BARX1: variants seen among roughly 807,000 people sequenced by gnomAD.
The protein encoded by BARX1 is homeobox protein BarH-like 1.
BARX1 carries 10 observed loss-of-function variants against 19.6 expected under a neutral mutation model. That is an observed-to-expected ratio of 0.51 (90% CI 0.31 to 0.86). BARX1 has a LOEUF of 0.86. BARX1 is among the 40% of genes least tolerant of loss of function. The pLI is 0.04. For synonymous variants in BARX1, 177 were observed against 170.0 expected, an observed-to-expected ratio of 1.04 and a Z score of -0.32; for missense variants, 309 against 360.4, an observed-to-expected ratio of 0.86 and a Z score of 1.15.
intron 3 of BARX1, 71 bp from the exon 4 acceptor site, chr9:93,952,399 C>T: frequency 1.3e-6 from 2 of 1,542,668 alleles, no homozygotes; most frequent in South Asian, 1.2e-5. Flanking sequence ...GACTTGAACC[C>T]AGGTAGGACT....
Position 93,954,814 on chromosome 9 carries a change from G to T in BARX1, c.223+110C>A, listed in dbSNP as rs1829141874. The T allele has an allele frequency of 4.0e-6, 3 of 754,130 alleles. No individual in the cohort carries two copies. In the South Asian group the frequency reaches 1.5e-4, roughly 38 times the overall value. 46.7% of individuals were successfully genotyped at this position (754,130 alleles called of 1,614,324 possible). On this transcript the variant is annotated intron_variant, in intron 1 of 3. Coordinates refer to ENST00000253968, the MANE Select transcript of BARX1 (RefSeq NM_021570.4). Reference sequence around the variant, plus strand: ...CGGTCCCAGAACCTGCGCTCCCAGAGCAGCTTCCCGGGGCTGCTTCGATGC... The same window carrying T: ...CGGTCCCAGAACCTGCGCTCCCAGATCAGCTTCCCGGGGCTGCTTCGATGC...
chr9:93,953,040 C>T lies in BARX1; in HGVS notation c.371G>A (p.Arg124His), dbSNP rs1460666524. ...AGGGCCTGCCGCCTCCAGCTTCCCG[C>T]GGAGCTGCAACTCGAGCGGCAGGTG... ...APHLPLELQL[R>H]GKLEAAGPGE... Residue 124 changes from arginine (R) to histidine (H), a missense_variant, in exon 2 of 4, where the codon CGC becomes CAC. This residue lies in a region of BARX1 where 204 missense variants were observed against 206.8 expected (regional missense o/e 0.99). Transcript: ENST00000253968. 1.9e-6 allele frequency: 3 copies of T among 1,572,286 alleles called. No homozygotes were observed. The highest frequency in any genetic ancestry group is 1.8e-5 in the Admixed American group (1 of 54,302).
In BARX1 at chr9:93,952,750, C is replaced by G. The variant is rs1829117457; in HGVS notation, c.579G>C (p.Arg193=). Residue 193 remains arginine (R), a synonymous_variant, in exon 3 of 4, where the codon CGG becomes CGC. Transcript: ENST00000253968. ...QLQVKTWYQN[R]RMKWKKIVLQ... is the part of the protein sequence containing the mutation. ...TCACTATTTTCTTCCACTTCATCCT[C>G]CGATTCTGGTACCACGTCTTCACCT... The G allele has an allele frequency of 6.2e-7, 1 of 1,614,102 alleles. No individual in the cohort carries two copies. The highest frequency in any genetic ancestry group is 8.5e-7 in the Non-Finnish European group (1 of 1,180,044).
chr9:93,955,129 C>T lies in BARX1; in HGVS notation c.18G>A (p.Glu6=). 8.4e-7 allele frequency: 1 copy of T among 1,188,892 alleles called. No individual in the cohort carries two copies. The highest frequency in any genetic ancestry group is 1.0e-6 in the Non-Finnish European group (1 of 963,848). The allele number at this position is 1,188,892 out of a possible 1,614,324, so 73.6% of individuals were successfully genotyped here. Residue 6 remains glutamate, a synonymous_variant, in exon 1 of 4, where the codon GAG becomes GAA. Coordinates refer to ENST00000253968, the MANE Select transcript of BARX1 (RefSeq NM_021570.4). The surrounding 1 kb of genome is among the most constrained non-coding windows in gnomAD (Gnocchi z 4.4). MQRPG[E]PGAARFGPPE... ...GCGGGCCGAAGCGCGCGGCGCCCGG[C>T]TCCCCCGGCCGCTGCATCGCGGCGC...
In BARX1 at chr9:93,955,012, C is replaced by G; in HGVS notation, c.135G>C (p.Ala45=). The G allele has an allele frequency of 7.1e-7, 1 of 1,399,290 alleles. No individual in the cohort carries two copies. Among genetic ancestry groups the G allele is most frequent in the Non-Finnish European group, 9.3e-7 (1 of 1,076,566 alleles). 86.7% of individuals were successfully genotyped at this position (1,399,290 alleles called of 1,614,324 possible). The change falls in exon 1 of 4, where the codon GCG becomes GCC. Residue 45 remains alanine (A), a synonymous_variant. Coordinates refer to ENST00000253968, the MANE Select transcript of BARX1 (RefSeq NM_021570.4). The surrounding 1 kb of genome is among the most constrained non-coding windows in gnomAD (Gnocchi z 4.4). The part of the protein sequence containing the change: ...LTEPPGPKGA[A]PAAAAAAAGE... Reference sequence around the variant, plus strand: ...CCGCCGCGGCAGCGGCGGCTGCGGGCGCGGCGCCCTTGGGCCCGGGTGGCT... The same window carrying G: ...CCGCCGCGGCAGCGGCGGCTGCGGGGGCGGCGCCCTTGGGCCCGGGTGGCT...
Position 93,952,490 on chromosome 9 carries a change from G to A in BARX1, c.601-162C>T, listed in dbSNP as rs532685814. Among the ~76,000 whole-genome samples the A allele has an allele frequency of 1.8e-3, 270 of 152,328 alleles. 2 individuals carry two copies. The highest frequency in any genetic ancestry group is 6.2e-3 in the African/African-American group (257 of 41,578). On this transcript the variant is annotated intron_variant, in intron 3 of 3. Transcript: ENST00000253968. ...GCCATTTGTCCAAATGCCGCCTGGGGAGCGGCCCGGCCTGGGGAGCATAAG... is the reference window on the plus strand; with the variant it reads ...GCCATTTGTCCAAATGCCGCCTGGGAAGCGGCCCGGCCTGGGGAGCATAAG...
chr9:93,953,610 C>T (rs1829127119), intron 1 of BARX1, among the ~76,000 whole-genome samples: 1 of 152,260 alleles, frequency 6.6e-6, no homozygotes, highest in South Asian at 2.1e-4. Flanking sequence ...AGAACATGCA[C>T]GGAGCGTGCA....
rs1215715737 is a variant in BARX1 at position 93,952,214 on chromosome 9, T to A, written c.715A>T (p.Lys239Ter). ...GGCTCGCCCGGCACCTCCGCCGGTT[T>A]CTCTGCATCCTTGGCGCGCTCCTGC... ...TEQERAKDAE[K>*]PAEVPGEPSD... The change falls in exon 4 of 4, where the codon AAA becomes TAA. Residue 239 changes from lysine to a stop codon, truncating the protein, a stop_gained. Coordinates refer to ENST00000253968, the MANE Select transcript of BARX1 (RefSeq NM_021570.4). LOFTEE classifies it high-confidence loss of function. 1.2e-6 allele frequency: 2 copies of A among 1,611,632 alleles called. No individual in the cohort carries two copies. The highest frequency in any genetic ancestry group is 1.7e-6 in the Non-Finnish European group (2 of 1,179,898).
chr9:93,954,714 C>T (rs576160166), intron 1 of BARX1, among the ~76,000 whole-genome samples: 43 of 152,298 alleles, frequency 2.8e-4, no homozygotes, highest in African/African-American at 9.9e-4. Context: ...CCGGGCGGCC[C>T]GCGGGCACGA....
At position 93,955,108 on chromosome 9, in the gene BARX1, G is replaced by C; in HGVS notation, c.39C>G (p.Gly13=). The C allele has an allele frequency of 8.0e-7, 1 of 1,255,288 alleles. No individual in the cohort carries two copies. Among genetic ancestry groups the C allele is most frequent in the Non-Finnish European group, 1.0e-6 (1 of 1,001,306 alleles). 77.8% of individuals were successfully genotyped at this position (1,255,288 alleles called of 1,614,324 possible). The change falls in exon 1 of 4, where the codon GGC becomes GGG. Residue 13 remains glycine, a synonymous_variant. Coordinates refer to ENST00000253968, the MANE Select transcript of BARX1 (RefSeq NM_021570.4). This position sits in a 1 kb window ranked among gnomAD's most constrained non-coding sequence, Gnocchi z 4.4. ...RPGEPGAARF[G]PPEGCADHRP... ...GGTGGTCCGCGCAGCCCTCGGGCGG[G>C]CCGAAGCGCGCGGCGCCCGGCTCCC...
chr9:93,954,557 C>T (rs1829139262), intron 1 of BARX1, among the ~76,000 whole-genome samples: 1 of 152,246 alleles, frequency 6.6e-6, no homozygotes, highest in South Asian at 2.1e-4. Flanking sequence ...CATCCCTCTG[C>T]GGCGAAGCCC....
chr9:93,955,191 G>T lies in BARX1; in HGVS notation c.-45C>A, dbSNP rs1253767472. ...CCCGCGGTTTGGCGGCGGCGGCGGC[G>T]ACGGCTTGGCTCCGGCGCGGGGCCC... On this transcript the variant is annotated 5_prime_UTR_variant, in exon 1 of 4. Transcript: ENST00000253968. The surrounding 1 kb of genome is among the most constrained non-coding windows in gnomAD (Gnocchi z 4.4). 4 of 942,432 alleles carry T rather than the reference G, an allele frequency of 4.2e-6. No individual in the cohort carries two copies. Among genetic ancestry groups the T allele is most frequent in the Non-Finnish European group, 3.8e-6 (3 of 792,266 alleles). 58.4% of individuals were successfully genotyped at this position (942,432 alleles called of 1,614,324 possible).
At position 93,955,099 on chromosome 9, in the gene BARX1, C is replaced by A; in HGVS notation, c.48G>T (p.Glu16Asp). Residue 16 changes from glutamate (E) to aspartate (D), a missense_variant, in exon 1 of 4, where the codon GAG becomes GAT. Around this residue, in one of 3 missense-constraint regions of BARX1, gnomAD observed 204 missense variants for 206.8 expected, o/e 0.99. Coordinates refer to ENST00000253968, the MANE Select transcript of BARX1 (RefSeq NM_021570.4). This position sits in a 1 kb window ranked among gnomAD's most constrained non-coding sequence, Gnocchi z 4.4. The stretch of plus-strand genomic sequence containing the variant: ...GGTGCGGCCGGTGGTCCGCGCAGCC[C>A]TCGGGCGGGCCGAAGCGCGCGGCGC... Reference protein sequence around the residue: ...EPGAARFGPPEGCADHRPHRY... With the variant: ...EPGAARFGPPDGCADHRPHRY... The A allele has an allele frequency of 7.8e-7, 1 of 1,288,212 alleles. No individual in the cohort carries two copies. Among genetic ancestry groups the A allele is most frequent in the Non-Finnish European group, 9.8e-7 (1 of 1,017,542 alleles). 79.8% of individuals were successfully genotyped at this position (1,288,212 alleles called of 1,614,324 possible).
Sources: allele counts gnomAD v4.1 joint callset (sites outside exome capture counted in the v4.1 genomes callset), GRCh38; gene constraint gnomAD v4.1.1; regional missense constraint gnomAD v4.1.1; non-coding constraint Gnocchi (gnomAD v3.1); transcripts MANE v1.5; gene names NCBI Gene and HGNC (gene_info 2026-07-23, HGNC 2026-07-21).